Variants in YOD1 observed in about 807,000 individuals in gnomAD.
YOD1 encodes YOD1 deubiquitinase.
A neutral mutation model predicts 23.7 loss-of-function variants in YOD1; 17 were observed. The ratio of observed to expected loss-of-function variants is 0.72; its 90% CI spans 0.49 to 1.07. YOD1 has a LOEUF of 1.07. Ranked by LOEUF, YOD1 falls within the 50% of genes least tolerant of loss-of-function variation. The probability of loss-of-function intolerance (pLI) is 0.00; values close to 1 mark genes in which losing one functional copy is unlikely to be tolerated. For missense variants in YOD1, 413 were observed against 447.2 expected, an observed-to-expected ratio of 0.92 and a Z score of 0.69; for synonymous variants, 191 against 169.6, an observed-to-expected ratio of 1.13 and a Z score of -0.98.
chr1:207,049,308 T>C lies in YOD1; in HGVS notation c.759A>G (p.Ala253=), dbSNP rs1224932954. The change falls in exon 2 of 2, where the codon GCA becomes GCG. Residue 253 remains alanine (A), a synonymous_variant. Coordinates refer to ENST00000315927, the MANE Select transcript of YOD1 (RefSeq NM_018566.4). ...TAAGCAGAACCCTTTTGGTATATCC[T>C]GCATCTTCCCCAAAACGATCAATTC... The part of the protein sequence containing the change: ...TVRIDRFGED[A]GYTKRVLLIY... 1.2e-6 allele frequency: 2 copies of C among 1,614,032 alleles called. No homozygotes were observed. Among genetic ancestry groups the C allele is most frequent in the East Asian group, 4.5e-5 (2 of 44,892 alleles).
In YOD1 at chr1:207,043,946, A is replaced by G. The variant is rs1290504521; in HGVS notation, c.*5074T>C. 1 of 152,624 alleles carries G rather than the reference A, an allele frequency of 6.6e-6. No individual in the cohort carries two copies. The highest frequency in any genetic ancestry group is 2.4e-5 in the African/African-American group (1 of 41,456). 9.5% of individuals were successfully genotyped at this position (152,624 alleles called of 1,614,324 possible). On this transcript the variant is annotated 3_prime_UTR_variant, in exon 2 of 2. Transcript: ENST00000315927. ...TCATAAATAAAATCAATGCATCTTA[A>G]TGACAATGGCAAAATCACATAAGAG...
Position 207,044,727 on chromosome 1 carries a change from A to G in YOD1, c.*4293T>C, listed in dbSNP as rs1682552674. ...GAGTTGACACAAAGGCATTGCTTTA[A>G]AAATGTTTGGAAAAGGGTAATTCAT... On this transcript the variant is annotated 3_prime_UTR_variant, in exon 2 of 2. Coordinates refer to ENST00000315927, the MANE Select transcript of YOD1 (RefSeq NM_018566.4). The G allele has an allele frequency of 6.6e-6, 1 of 152,460 alleles. No individual in the cohort carries two copies. The allele number at this position is 152,460 out of a possible 1,614,324, so 9.4% of individuals were successfully genotyped here.
In YOD1 at chr1:207,045,003, T is replaced by C. The variant is rs539581873; in HGVS notation, c.*4017A>G. 2.0e-5 allele frequency: 3 copies of C among 152,666 alleles called. No homozygotes were observed. Among genetic ancestry groups the C allele is most frequent in the South Asian group, 2.1e-4 (1 of 4,832 alleles). The allele number at this position is 152,666 out of a possible 1,614,324, so 9.5% of individuals were successfully genotyped here. On this transcript the variant is annotated 3_prime_UTR_variant, in exon 2 of 2. Transcript: ENST00000315927. ...CTCTCCCACAACCAGGGACACTTAA[T>C]ATTCTTTTTATGTGGAATGAAATGT...
At position 207,049,608 on chromosome 1, in the gene YOD1, C is replaced by T. The variant is rs1682684279; in HGVS notation, c.459G>A (p.Val153=). 6.2e-7 allele frequency: 1 copy of T among 1,614,132 alleles called. No homozygotes were observed. The highest frequency in any genetic ancestry group is 1.3e-5 in the African/African-American group (1 of 75,002). ...RETLPVLTRT[V]VPADNSCLFT... ...AGAGGCAAGAGTTGTCTGCTGGGAC[C>T]ACGGTTCTGGTAAGCACAGGCAAAG... Residue 153 remains valine, a synonymous_variant, in exon 2 of 2, where the codon GTG becomes GTA. Transcript: ENST00000315927.
chr1:207,046,979 T>C lies in YOD1; in HGVS notation c.*2041A>G, dbSNP rs1682614884. On this transcript the variant is annotated 3_prime_UTR_variant, in exon 2 of 2. Transcript: ENST00000315927. ...AAGTAGCAAAGAAAGGAAGGCAAGC[T>C]TTCTGAGTAATGATGCATAAAGCTC... The C allele has an allele frequency of 6.6e-6, 1 of 152,180 alleles. No homozygotes were observed. Among genetic ancestry groups the C allele is most frequent in the African/African-American group, 2.4e-5 (1 of 41,458 alleles). The allele number at this position is 152,180 out of a possible 1,614,324, so 9.4% of individuals were successfully genotyped here. A position where few individuals can be genotyped will look rare whatever the true frequency, so the allele number is the denominator to read the frequency against.
Position 207,051,149 on chromosome 1 carries a change from C to T in YOD1, c.-119G>A, listed in dbSNP as rs914926310. The T allele has an allele frequency of 4.2e-6, 6 of 1,420,830 alleles. No homozygotes were observed. Among genetic ancestry groups the T allele is most frequent in the Admixed American group, 6.0e-5 (2 of 33,238 alleles). 88.0% of individuals were successfully genotyped at this position (1,420,830 alleles called of 1,614,324 possible). Reference sequence around the variant, plus strand: ...ACTGATTTTTCCCCCACCCTCAGAACGAAGATGTAAACCTCCGTATTCCTA... The same window carrying T: ...ACTGATTTTTCCCCCACCCTCAGAATGAAGATGTAAACCTCCGTATTCCTA... On this transcript the variant is annotated 5_prime_UTR_variant, in exon 1 of 2. Transcript: ENST00000315927.
At position 207,048,768 on chromosome 1, in the gene YOD1, C is replaced by T; in HGVS notation, c.*252G>A. 1 of 447,158 alleles carries T rather than the reference C, an allele frequency of 2.2e-6. No homozygotes were observed. The highest frequency in any genetic ancestry group is 4.0e-6 in the Non-Finnish European group (1 of 248,510). 27.7% of individuals were successfully genotyped at this position (447,158 alleles called of 1,614,324 possible). A position where few individuals can be genotyped will look rare whatever the true frequency, so the allele number is the denominator to read the frequency against. ...CCTTCAGGTCAGTGTCAGTAGGTGG[C>T]AAGGATCACCTATTCTGTCACTCCA... On this transcript the variant is annotated 3_prime_UTR_variant, in exon 2 of 2. Coordinates refer to ENST00000315927, the MANE Select transcript of YOD1 (RefSeq NM_018566.4).
At chr1:207,051,547 C>G (rs1373831074), upstream of YOD1, among the ~76,000 whole-genome samples, 2 of 152,284 alleles carry the variant, frequency 1.3e-5, no homozygotes, top group East Asian at 3.9e-4. Context: ...TTGAAAACGT[C>G]TATTTGCCAC....
rs1310693592 is a variant in YOD1, at chr1:207,045,654, T to G, written c.*3366A>C. On this transcript the variant is annotated 3_prime_UTR_variant, in exon 2 of 2. Transcript: ENST00000315927. ...TTGCATACTTCCCATTCCATTTTTT[T>G]TCCCAAAAAGATGTAAGAAAACTAT... The G allele has an allele frequency of 1.3e-5, 2 of 152,154 alleles. No homozygotes were observed. Among genetic ancestry groups the G allele is most frequent in the Non-Finnish European group, 2.9e-5 (2 of 67,914 alleles). 9.4% of individuals were successfully genotyped at this position (152,154 alleles called of 1,614,324 possible). A position where few individuals can be genotyped will look rare whatever the true frequency, so the allele number is the denominator to read the frequency against.
chr1:207,052,333 G>C (rs1002976412), upstream of YOD1: 17 of 1,048,768 alleles, frequency 1.6e-5, no homozygotes, highest in Admixed American at 2.3e-4. Context: ...CCTGGGTTAG[G>C]GGGTAGGTAG....
At position 207,048,923 on chromosome 1, in the gene YOD1, G is replaced by T; in HGVS notation, c.*97C>A. The T allele has an allele frequency of 9.0e-7, 1 of 1,105,952 alleles. No homozygotes were observed. The highest frequency in any genetic ancestry group is 1.3e-6 in the Non-Finnish European group (1 of 767,176). The allele number at this position is 1,105,952 out of a possible 1,614,324, so 68.5% of individuals were successfully genotyped here. A position where few individuals can be genotyped will look rare whatever the true frequency, so the allele number is the denominator to read the frequency against. Reference sequence around the variant, plus strand: ...AAGTTAAAAGGATGGTTCAAGCATTGTATCCTTTGTTCTTTAGGGTTACCA... The same window carrying T: ...AAGTTAAAAGGATGGTTCAAGCATTTTATCCTTTGTTCTTTAGGGTTACCA... On this transcript the variant is annotated 3_prime_UTR_variant, in exon 2 of 2. Coordinates refer to ENST00000315927, the MANE Select transcript of YOD1 (RefSeq NM_018566.4).
chr1:207,052,302 C>G, upstream of YOD1: 4 of 1,340,104 alleles, frequency 3.0e-6, no homozygotes, highest in Non-Finnish European at 4.3e-6. Context: ...TTCTTCAAGA[C>G]GACTGCAACG....
chr1:207,050,275 C>A (rs1311857596), intron 1 of YOD1, among the ~76,000 whole-genome samples: 1 of 151,764 alleles, frequency 6.6e-6, no homozygotes, highest in East Asian at 1.9e-4. Flanking sequence ...GAAGTATCTA[C>A]GAAGGGGACT....
chr1:207,050,387 T>C (rs1371791108), intron 1 of YOD1, among the ~76,000 whole-genome samples: 1 of 152,162 alleles, frequency 6.6e-6, no homozygotes, highest in Non-Finnish European at 1.5e-5. Flanking sequence ...CCCTACTTTA[T>C]ATTTTTGTGG....
upstream of YOD1, chr1:207,052,434 G>A (rs150334113): frequency 1.6e-3 from 786 of 493,568 alleles, 4 homozygotes; most frequent in African/African-American, 0.01. Flanking sequence ...GGCCGAGGCG[G>A]GTGAATCACC....
rs768351450 is a variant in YOD1 at position 207,049,548 on chromosome 1, G to C, written c.519C>G (p.Val173=). The C allele has an allele frequency of 1.4e-5, 22 of 1,614,044 alleles. No individual in the cohort carries two copies. The change falls in exon 2 of 2, where the codon GTC becomes GTG. Residue 173 remains valine, a synonymous_variant. Coordinates refer to ENST00000315927, the MANE Select transcript of YOD1 (RefSeq NM_018566.4). ...TSVYYVVEGG[V]LNPACAPEMR... ...TCTCAGGGGCACAAGCTGGATTCAAGACTCCTCCTTCGACGACATAGTACA... is the reference window on the plus strand; with the variant it reads ...TCTCAGGGGCACAAGCTGGATTCAACACTCCTCCTTCGACGACATAGTACA...
rs922726591 is a variant in YOD1 at position 207,047,862 on chromosome 1, G to T, written c.*1158C>A. 1.1e-4 allele frequency: 17 copies of T among 152,322 alleles called. No individual in the cohort carries two copies. The highest frequency in any genetic ancestry group is 4.1e-4 in the African/African-American group (17 of 41,574). The allele number at this position is 152,322 out of a possible 1,614,324, so 9.4% of individuals were successfully genotyped here. On this transcript the variant is annotated 3_prime_UTR_variant, in exon 2 of 2. Transcript: ENST00000315927. The stretch of plus-strand genomic sequence containing the variant: ...TAAAACTTCAAAAATCAAAGTAAAA[G>T]ATTGCAGATAAGCAAAGTGCTAATT...
rs553527509 is a variant in YOD1 at position 207,047,221 on chromosome 1, A to G, written c.*1799T>C. 1 of 152,694 alleles carries G rather than the reference A, an allele frequency of 6.5e-6. No individual in the cohort carries two copies. The highest frequency in any genetic ancestry group is 1.5e-5 in the Non-Finnish European group (1 of 67,958). The allele number at this position is 152,694 out of a possible 1,614,324, so 9.5% of individuals were successfully genotyped here. A position where few individuals can be genotyped will look rare whatever the true frequency, so the allele number is the denominator to read the frequency against. ...TGCTATTTTTAAGGCTCAGTAAAAT[A>G]GAAAACTAAACACTTTTAAGTTATG... On this transcript the variant is annotated 3_prime_UTR_variant, in exon 2 of 2. Transcript: ENST00000315927.
At position 207,050,267 on chromosome 1, in the gene YOD1, A is replaced by G. The variant is rs545256029; in HGVS notation, c.343+421T>C. On this transcript the variant is annotated intron_variant, in intron 1 of 1. Coordinates refer to ENST00000315927, the MANE Select transcript of YOD1 (RefSeq NM_018566.4). ...GAAAATGAGTATGCCTGTCAAACGA[A>G]GTATCTACGAAGGGGACTGCAAAAA... is the stretch of plus-strand genomic sequence containing the variant. Among the ~76,000 whole-genome samples the G allele has an allele frequency of 1.1e-3, 165 of 152,334 alleles. 1 individual carries two copies. Among genetic ancestry groups the G allele is most frequent in the African/African-American group, 3.7e-3 (154 of 41,562 alleles).
Sources: gnomAD v4.1 joint callset for allele counts (sites outside exome capture counted in the v4.1 genomes callset) on GRCh38, gnomAD v4.1.1 for gene constraint, MANE v1.5 for transcripts, NCBI Gene and HGNC (gene_info 2026-07-23, HGNC 2026-07-21) for gene names.